NR2C1: variants seen among roughly 807,000 people sequenced by gnomAD.
NR2C1 encodes TR2 nuclear hormone receptor.
In NR2C1, 33 loss-of-function variants were observed where a neutral mutation model predicts 74.8. The ratio of observed to expected loss-of-function variants is 0.44; its 90% CI spans 0.33 to 0.59. The LOEUF (loss-of-function observed/expected upper bound fraction) is 0.59, where lower values mean the gene tolerates loss of function less well. Among genes scored for constraint, NR2C1 ranks in the 20% least tolerant of loss-of-function variants. NR2C1 has a pLI of 0.02. For synonymous variants in NR2C1, 225 were observed against 240.6 expected (o/e 0.94, Z 0.60); for missense variants, 568 against 715.6 (o/e 0.79, Z 2.35).
At chr12:95,072,782 A>G (rs1876896550) in intron 1 of NR2C1, 1 of 152,234 alleles carries the variant, frequency 6.6e-6, no homozygotes, top group Non-Finnish European at 1.5e-5. Flanking sequence ...GGGCCGTTCC[A>G]TTTCTTCTGA....
intron 1 of NR2C1, among the ~76,000 whole-genome samples, chr12:95,069,736 G>GA (rs938451434): frequency 2.0e-4 from 31 of 151,352 alleles, no homozygotes; most frequent in East Asian, 1.7e-3. Flanking sequence ...CTGGATGACT[G>GA]AAAAAAAATG....
intron 5 of NR2C1, 125 bp downstream of exon 5, chr12:95,058,185 A>T: frequency 1.2e-6 from 1 of 856,230 alleles, no homozygotes; most frequent in Non-Finnish European, 1.7e-6. Context: ...CTGTATTCTT[A>T]TATTTTTAGT....
Position 95,031,464 on chromosome 12 carries a change from C to A in NR2C1, c.1278G>T (p.Val426=). 1 of 1,601,862 alleles carries A rather than the reference C, an allele frequency of 6.2e-7. No homozygotes were observed. The highest frequency in any genetic ancestry group is 2.3e-5 in the East Asian group (1 of 44,012). ...ALGQENSISL[V]KAYWNELFTL... The stretch of plus-strand genomic sequence containing the variant: ...TAAAAAGTTCATTCCAGTAAGCTTT[C>A]ACCAGTGATATGCTGTTTTCTTGCC... Residue 426 remains valine (V), a synonymous_variant, in exon 11 of 14, where the codon GTG becomes GTT. Coordinates refer to ENST00000333003, the MANE Select transcript of NR2C1 (RefSeq NM_003297.4).
At chr12:95,048,622 GT>G (rs899683567) in intron 9 of NR2C1, among the ~76,000 whole-genome samples, 2,306 of 130,470 alleles carry the variant, frequency 0.018, 40 homozygotes, top group African/African-American at 0.051. Context: ...ATGCAGATGA[GT>G]TTTTTTTTTT....
intron 10 of NR2C1, among the ~76,000 whole-genome samples, chr12:95,031,795 A>ATTT (rs1870143402): frequency 6.6e-6 from 1 of 152,266 alleles, no homozygotes; most frequent in Non-Finnish European, 1.5e-5. Flanking sequence ...TGTTCTTAAA[A>ATTT]GCAAAAGCAT....
chr12:95,023,129 T>TA (rs1283187782), intron 13 of NR2C1, among the ~76,000 whole-genome samples: 7 of 151,212 alleles, frequency 4.6e-5, no homozygotes, highest in Admixed American at 6.6e-5. Context: ...TCATCTCTAC[T>TA]AAAAAAAATA....
chr12:95,039,001 A>T (rs139085080), intron 10 of NR2C1, among the ~76,000 whole-genome samples: 1 of 152,176 alleles, frequency 6.6e-6, no homozygotes. Flanking sequence ...GGAGGCATCC[A>T]TATAGGAGGA....
chr12:95,059,869 T>C (rs964819783), intron 4 of NR2C1, 37 bp downstream of exon 4: 3 of 1,459,032 alleles, frequency 2.1e-6, no homozygotes, highest in Non-Finnish European at 2.8e-6. Flanking sequence ...GAGGTTATTT[T>C]TTTTTTCTGT....
intron 2 of NR2C1, among the ~76,000 whole-genome samples, chr12:95,063,674 C>CAAA (rs34653320): frequency 8.6e-5 from 12 of 139,360 alleles, no homozygotes; most frequent in South Asian, 4.6e-4. Flanking sequence ...GACCCTGTCT[C>CAAA]AAAAAAAAAA....
intron 9 of NR2C1, among the ~76,000 whole-genome samples, chr12:95,046,870 G>A (rs1872383353): frequency 6.6e-6 from 1 of 152,110 alleles, no homozygotes. Flanking sequence ...GACTTCACAA[G>A]GCTGTAAGAC....
At chr12:95,067,041 A>T (rs149205203) in intron 2 of NR2C1, 1 of 415,018 alleles carries the variant, frequency 2.4e-6, no homozygotes, top group Non-Finnish European at 4.2e-6. Context: ...ATTCCCTCAA[A>T]AGCATTCCTA....
At chr12:95,060,519 G>A (rs2136186136) in intron 3 of NR2C1, among the ~76,000 whole-genome samples, 1 of 152,314 alleles carries the variant, frequency 6.6e-6, no homozygotes. Context: ...GCTGGGTGTG[G>A]TGGAGAGTGC....
chr12:95,032,457 C>CAAAAAAAAAAAAA (rs905079010), intron 10 of NR2C1, among the ~76,000 whole-genome samples: 925 of 90,540 alleles, frequency 0.01, 11 homozygotes, highest in African/African-American at 0.036. Context: ...GACTCCGTCT[C>CAAAAAAAAAAAAA]AAAAAAAAAA....
intron 11 of NR2C1, 66 bp from the exon 12 acceptor site, chr12:95,028,590 A>G (rs927196755): frequency 4.6e-5 from 54 of 1,181,148 alleles, no homozygotes; most frequent in Middle Eastern, 2.8e-4. Context: ...TTCATCCAAT[A>G]TATTTCCCTC....
At chr12:95,064,199 T>G (rs1475187385) in intron 2 of NR2C1, among the ~76,000 whole-genome samples, 2 of 146,980 alleles carry the variant, frequency 1.4e-5, no homozygotes, top group African/African-American at 5.0e-5. Flanking sequence ...CATGGTGGCA[T>G]GTGCCTGTAA....
chr12:95,049,722 G>A (rs1318910195), intron 8 of NR2C1, among the ~76,000 whole-genome samples: 1 of 152,040 alleles, frequency 6.6e-6, no homozygotes, highest in African/African-American at 2.4e-5. Context: ...TAGAACAAGG[G>A]TAAGAACTTA....
At chr12:95,051,694 A>G in intron 8 of NR2C1, 68 bp downstream of exon 8, 7 of 1,353,286 alleles carry the variant, frequency 5.2e-6, no homozygotes, top group Non-Finnish European at 7.0e-6. Flanking sequence ...CATTTAACAT[A>G]AAAATGTTTT....
At chr12:95,056,235 C>T (rs905818205) in intron 7 of NR2C1, among the ~76,000 whole-genome samples, 1 of 152,028 alleles carries the variant, frequency 6.6e-6, no homozygotes, top group Non-Finnish European at 1.5e-5. Flanking sequence ...CACCACCGTA[C>T]CCCCAGCTTG....
chr12:95,060,483 G>A (rs1592784067), intron 3 of NR2C1, among the ~76,000 whole-genome samples: 1 of 152,150 alleles, frequency 6.6e-6, no homozygotes, highest in East Asian at 1.9e-4. Flanking sequence ...GTGAAACCCT[G>A]TCTGTACTAA....
Sources: gnomAD v4.1 joint callset for allele counts (sites outside exome capture counted in the v4.1 genomes callset) on GRCh38, gnomAD v4.1.1 for gene constraint, MANE v1.5 for transcripts, NCBI Gene and HGNC (gene_info 2026-07-23, HGNC 2026-07-21) for gene names.